The following LPL variants were observed in gnomAD, a reference collection of about 807,000 sequenced individuals.
LPL encodes lipoprotein lipase, also known as phospholipase A1.
In LPL, 43 loss-of-function variants were observed where a neutral mutation model predicts 52.2. The ratio of observed to expected loss-of-function variants is 0.82; its 90% CI spans 0.64 to 1.06. LPL has a LOEUF of 1.06. LPL is among the 50% of genes least tolerant of loss of function. The probability of loss-of-function intolerance (pLI) is 0.00; values close to 1 mark genes in which losing one functional copy is unlikely to be tolerated. For missense variants in LPL, 639 were observed against 585.3 expected, an observed-to-expected ratio of 1.09 and a Z score of -0.95; for synonymous variants, 244 against 215.6, an observed-to-expected ratio of 1.13 and a Z score of -1.15.
chr8:19,959,523 C>T, intron 7 of LPL, 143 bp downstream of exon 7: 2 of 1,068,170 alleles, frequency 1.9e-6, no homozygotes, highest in South Asian at 1.8e-5. Flanking sequence ...GAGGTCTTTC[C>T]TCTATTTGAT....
rs557409570 is a variant in LPL, at chr8:19,967,180, A to C, written c.*1870A>C. The C allele has an allele frequency of 3.3e-5, 5 of 152,672 alleles. No individual in the cohort carries two copies. Among genetic ancestry groups the C allele is most frequent in the African/African-American group, 1.2e-4 (5 of 41,454 alleles). 9.5% of individuals were successfully genotyped at this position (152,672 alleles called of 1,614,324 possible). A position where few individuals can be genotyped will look rare whatever the true frequency, so the allele number is the denominator to read the frequency against. On this transcript the variant is annotated 3_prime_UTR_variant, in exon 10 of 10. Coordinates refer to ENST00000650287, the MANE Select transcript of LPL (RefSeq NM_000237.3). ...TCACTCTTATGAAATGGGCTTTAAC[A>C]AAACAAGAAAGAAACGTACTTAACT...
In LPL at chr8:19,951,864, A is replaced by C. The variant is rs147309575; in HGVS notation, c.345A>C (p.Ser115=). Residue 115 remains serine, a synonymous_variant, in exon 3 of 10, where the codon TCA becomes TCC. Transcript: ENST00000650287. Reference sequence around the variant, plus strand: ...ATGTCATTGTGGTGGACTGGCTGTCACGGGCTCAGGAGCATTACCCAGTGT... The same window carrying C: ...ATGTCATTGTGGTGGACTGGCTGTCCCGGGCTCAGGAGCATTACCCAGTGT... ...DSNVIVVDWL[S]RAQEHYPVSA... is the part of the protein sequence containing the mutation. 1.1e-3 allele frequency: 1,808 copies of C among 1,614,042 alleles called. 2 individuals carry two copies. Among genetic ancestry groups the C allele is most frequent in the Non-Finnish European group, 1.3e-3 (1,587 of 1,180,026 alleles).
intron 1 of LPL, among the ~76,000 whole-genome samples, chr8:19,946,274 C>G (rs1379907390): frequency 6.6e-6 from 1 of 152,042 alleles, no homozygotes; most frequent in Non-Finnish European, 1.5e-5. Flanking sequence ...TAACAAAACT[C>G]CTTTTCTCAT....
intron 1 of LPL, among the ~76,000 whole-genome samples, chr8:19,945,055 A>C (rs1001736797): frequency 5.9e-5 from 9 of 152,008 alleles, no homozygotes; most frequent in Non-Finnish European, 8.8e-5. Flanking sequence ...AGGTGGCCTT[A>C]ATTTCTAAGG....
At chr8:19,945,219 T>C (rs867985823) in intron 1 of LPL, among the ~76,000 whole-genome samples, 1 of 152,128 alleles carries the variant, frequency 6.6e-6, no homozygotes, top group Admixed American at 6.5e-5. Flanking sequence ...ATAAATATAC[T>C]GACTGCCCCA....
At chr8:19,958,338 T>C (rs888874074) in intron 6 of LPL, among the ~76,000 whole-genome samples, 11 of 152,022 alleles carry the variant, frequency 7.2e-5, no homozygotes, top group African/African-American at 2.2e-4. Flanking sequence ...AACTCTTTTT[T>C]CCTCCATCAT....
intron 6 of LPL, among the ~76,000 whole-genome samples, chr8:19,958,878 G>A (rs910485569): frequency 1.3e-5 from 2 of 152,216 alleles, no homozygotes; most frequent in African/African-American, 4.8e-5. Flanking sequence ...GCTTGCTCCA[G>A]ATGCTAAGGC....
rs2128838473 is a variant in LPL, at chr8:19,955,834, T to C, written c.776-7T>C. On this transcript the variant is annotated splice_region_variant and splice_polypyrimidine_tract_variant and intron_variant, in intron 5 of 9. Coordinates refer to ENST00000650287, the MANE Select transcript of LPL (RefSeq NM_000237.3). ...AGATACAATCTTGGTGTCTCTTTTT[T>C]ACCCAGATGTGGACCAGCTAGTGAA... The C allele has an allele frequency of 6.2e-7, 1 of 1,614,170 alleles. No homozygotes were observed.
At chr8:19,946,396 T>C (rs1315220700) in intron 1 of LPL, 1 of 164,696 alleles carries the variant, frequency 6.1e-6, no homozygotes, top group Non-Finnish European at 1.3e-5. Flanking sequence ...AACCACAATA[T>C]TGTTTAAGGA....
chr8:19,954,738 T>C (rs2069968988), intron 5 of LPL, among the ~76,000 whole-genome samples: 1 of 152,252 alleles, frequency 6.6e-6, no homozygotes, highest in Non-Finnish European at 1.5e-5. Flanking sequence ...AGATGTTAAT[T>C]AGGATAAATC....
rs534287604 is a variant in LPL at position 19,954,866 on chromosome 8, C to T, written c.775+513C>T. ...TGAGATAGAGTCTTATTCTATTGCC[C>T]AAGCTGGGGTGCAGTCACACAATCA... On this transcript the variant is annotated intron_variant, in intron 5 of 9. Coordinates refer to ENST00000650287, the MANE Select transcript of LPL (RefSeq NM_000237.3). 7.0e-4 allele frequency among the ~76,000 whole-genome samples: 107 copies of T among 152,194 alleles called. 1 individual carries two copies. The highest frequency in any genetic ancestry group is 2.5e-3 in the African/African-American group (104 of 41,520).
At chr8:19,954,384 G>A (rs1375323797) in intron 5 of LPL, 31 bp downstream of exon 5, 1 of 1,589,946 alleles carries the variant, frequency 6.3e-7, no homozygotes, top group Admixed American at 1.7e-5. Context: ...AATTAAATGT[G>A]ACTCTTATCC....
intron 1 of LPL, among the ~76,000 whole-genome samples, chr8:19,947,656 A>AC (rs11320112): frequency 0.045 from 3,145 of 69,472 alleles, 56 homozygotes; most frequent in Admixed American, 0.073. Flanking sequence ...AAACAAAACA[A>AC]CCCCCCCCCC....
chr8:19,948,716 A>T (rs76581824), intron 2 of LPL, among the ~76,000 whole-genome samples: 2 of 152,284 alleles, frequency 1.3e-5, no homozygotes, highest in East Asian at 3.9e-4. Flanking sequence ...TCTAAAGAAG[A>T]CAGCATGGAA....
chr8:19,951,147 A>G (rs1345110510), intron 2 of LPL, among the ~76,000 whole-genome samples: 1 of 152,206 alleles, frequency 6.6e-6, no homozygotes, highest in African/African-American at 2.4e-5. Context: ...CATGCATGTG[A>G]TACATCCCAG....
chr8:19,949,830 A>C (rs73667470), intron 2 of LPL, among the ~76,000 whole-genome samples: 18,457 of 152,192 alleles, frequency 0.12, 3,110 homozygotes, highest in African/African-American at 0.39. Context: ...CAGAACTTGG[A>C]TTTTAAAATT....
intron 1 of LPL, among the ~76,000 whole-genome samples, chr8:19,947,784 T>C (rs928855820): frequency 1.4e-4 from 21 of 151,134 alleles, no homozygotes; most frequent in Non-Finnish European, 2.8e-4. Flanking sequence ...ATCCTCACCC[T>C]CCCACTAATA....
intron 6 of LPL, among the ~76,000 whole-genome samples, chr8:19,958,382 T>G (rs952221381): frequency 1.3e-4 from 20 of 152,158 alleles, no homozygotes; most frequent in Admixed American, 1.0e-3. Context: ...GCCTTTCCTT[T>G]TAACCTCTCC....
In LPL at chr8:19,954,110, C is replaced by G; in HGVS notation, c.542-10C>G. The G allele has an allele frequency of 6.2e-7, 1 of 1,603,190 alleles. No individual in the cohort carries two copies. Among genetic ancestry groups the G allele is most frequent in the African/African-American group, 1.3e-5 (1 of 74,782 alleles). On this transcript the variant is annotated splice_polypyrimidine_tract_variant and intron_variant, in intron 4 of 9. Coordinates refer to ENST00000650287, the MANE Select transcript of LPL (RefSeq NM_000237.3). ...TACAAATCTGTGTTCCTGCTTTTTT[C>G]CCTTTTAAGGCCTCGATCCAGCTGG...
Sources: allele counts gnomAD v4.1 joint callset (sites outside exome capture counted in the v4.1 genomes callset), GRCh38; gene constraint gnomAD v4.1.1; transcripts MANE v1.5; gene names NCBI Gene and HGNC (gene_info 2026-07-23, HGNC 2026-07-21).